CDH12: variants seen among roughly 807,000 people sequenced by gnomAD.
CDH12 encodes the protein cadherin 12.
CDH12 carries 41 observed loss-of-function variants against 74.1 expected under a neutral mutation model. The observed-to-expected ratio is 0.55, with a 90% CI of 0.43 to 0.72. CDH12 has a LOEUF of 0.72. CDH12 is among the 30% of genes least tolerant of loss of function. The pLI is 0.00. For synonymous variants in CDH12, 399 were observed against 355.0 expected (o/e 1.12, Z -1.39); for missense variants, 945 against 977.2 (o/e 0.97, Z 0.44).
intron 1 of CDH12, among the ~76,000 whole-genome samples, chr5:22,798,453 G>A (rs1056649004): frequency 1.3e-5 from 2 of 151,846 alleles, no homozygotes; most frequent in African/African-American, 4.8e-5. Context: ...CATGTAATAT[G>A]TTCATTATTG....
chr5:21,849,537 C>T (rs1449618803), intron 7 of CDH12, among the ~76,000 whole-genome samples: 5 of 151,662 alleles, frequency 3.3e-5, no homozygotes, highest in Admixed American at 6.6e-5. Context: ...TATTTATTAG[C>T]GTCTATTGAT....
chr5:22,435,405 C>T (rs1053382716), intron 2 of CDH12, among the ~76,000 whole-genome samples: 4 of 150,404 alleles, frequency 2.7e-5, no homozygotes, highest in Admixed American at 2.6e-4. Context: ...TATATATATA[C>T]ACACACATAT....
At chr5:22,288,198 T>G (rs753744016) in intron 3 of CDH12, among the ~76,000 whole-genome samples, 6 of 152,178 alleles carry the variant, frequency 3.9e-5, no homozygotes, top group Non-Finnish European at 5.9e-5. Flanking sequence ...TATGTCTCCT[T>G]ACATCTTCTA....
At chr5:22,041,267 T>A (rs943940250) in intron 5 of CDH12, among the ~76,000 whole-genome samples, 1 of 151,816 alleles carries the variant, frequency 6.6e-6, no homozygotes, top group Non-Finnish European at 1.5e-5. Context: ...GAAAAAAGGA[T>A]CTACAAAACA....
intron 1 of CDH12, among the ~76,000 whole-genome samples, chr5:22,659,726 C>T (rs1363250356): frequency 6.6e-6 from 1 of 152,036 alleles, no homozygotes; most frequent in Non-Finnish European, 1.5e-5. Context: ...GGTACACACA[C>T]ATCTGATCCC....
chr5:22,396,251 A>T (rs2920761), intron 3 of CDH12, among the ~76,000 whole-genome samples: 2 of 151,946 alleles, frequency 1.3e-5, no homozygotes, highest in African/African-American at 4.8e-5. Context: ...AAAATGAGGG[A>T]ACACCAGATG....
intron 1 of CDH12, among the ~76,000 whole-genome samples, chr5:22,742,054 G>A (rs1745053746): frequency 6.6e-6 from 1 of 152,024 alleles, no homozygotes; most frequent in Non-Finnish European, 1.5e-5. Context: ...GATGGCAGGT[G>A]CCTGTAGTCC....
chr5:22,634,701 A>G (rs1014308259), intron 1 of CDH12, among the ~76,000 whole-genome samples: 3 of 152,180 alleles, frequency 2.0e-5, no homozygotes, highest in Non-Finnish European at 2.9e-5. Context: ...AATCAATTGA[A>G]TACTAGCAAT....
intron 1 of CDH12, among the ~76,000 whole-genome samples, chr5:22,737,157 G>T (rs1414805921): frequency 2.0e-5 from 3 of 151,842 alleles, no homozygotes; most frequent in Non-Finnish European, 4.4e-5. Context: ...AGCTGCAGGT[G>T]CTAGATATCT....
At chr5:21,766,505 G>T (rs1745032117) in intron 11 of CDH12, among the ~76,000 whole-genome samples, 1 of 151,812 alleles carries the variant, frequency 6.6e-6, no homozygotes, top group Admixed American at 6.6e-5. Flanking sequence ...CAGTTTCCTT[G>T]TATGAAATAC....
intron 5 of CDH12, among the ~76,000 whole-genome samples, chr5:22,056,382 A>C (rs1740746546): frequency 1.3e-5 from 2 of 152,154 alleles, no homozygotes; most frequent in Admixed American, 1.3e-4. Flanking sequence ...AATTCTAGTA[A>C]TTTTTCCACT....
chr5:21,972,178 C>T (rs1192709640), intron 6 of CDH12, among the ~76,000 whole-genome samples: 4 of 151,902 alleles, frequency 2.6e-5, no homozygotes, highest in African/African-American at 4.8e-5. Flanking sequence ...ATCAATGTTC[C>T]GATATTTCTT....
intron 4 of CDH12, among the ~76,000 whole-genome samples, chr5:22,138,536 T>C (rs1213183311): frequency 6.6e-6 from 1 of 151,156 alleles, no homozygotes; most frequent in Non-Finnish European, 1.5e-5. Context: ...AAAATGAATG[T>C]CTTCCTTTTA....
intron 3 of CDH12, among the ~76,000 whole-genome samples, chr5:22,305,463 G>A (rs1339822026): frequency 2.0e-5 from 3 of 152,154 alleles, no homozygotes; most frequent in African/African-American, 7.2e-5. Flanking sequence ...ACAAGATTGG[G>A]CAGCAGGACT....
At chr5:22,433,678 T>C (rs1340311589) in intron 2 of CDH12, among the ~76,000 whole-genome samples, 1 of 152,176 alleles carries the variant, frequency 6.6e-6, no homozygotes, top group Admixed American at 6.6e-5. Context: ...GTAATCTTTA[T>C]TCTATAAGCA....
chr5:22,470,666 C>T (rs1373516149), intron 2 of CDH12, among the ~76,000 whole-genome samples: 5 of 152,028 alleles, frequency 3.3e-5, no homozygotes, highest in South Asian at 2.1e-4. Flanking sequence ...AGTGCTCTTA[C>T]GTAAGCCTCC....
In CDH12 at chr5:22,526,148, T is replaced by G. The variant is rs181608285; in HGVS notation, c.-522-20784A>C. Among the ~76,000 whole-genome samples, 45 of 152,266 alleles carry G rather than the reference T, an allele frequency of 3.0e-4. No individual in the cohort carries two copies. The East Asian group carries it at 3.1e-3, about 10-fold the overall frequency. ...TATGTTAGTCTACTGACATTCGGTG[T>G]TTTATATATTAACTAAATCTATAAA... On this transcript the variant is annotated intron_variant, in intron 1 of 14. Transcript: ENST00000382254.
At chr5:22,019,637 A>G (rs1737837697) in intron 5 of CDH12, among the ~76,000 whole-genome samples, 1 of 152,172 alleles carries the variant, frequency 6.6e-6, no homozygotes, top group African/African-American at 2.4e-5. Context: ...CCATGAACCA[A>G]ACACTGATGG....
intron 10 of CDH12, among the ~76,000 whole-genome samples, chr5:21,788,537 T>G (rs562244011): frequency 6.6e-6 from 1 of 152,286 alleles, no homozygotes; most frequent in Admixed American, 6.5e-5. Flanking sequence ...CCCTGGTGCA[T>G]GATTTGTATT....
Sources: gnomAD v4.1 joint callset for allele counts (sites outside exome capture counted in the v4.1 genomes callset) on GRCh38, gnomAD v4.1.1 for gene constraint, MANE v1.5 for transcripts, NCBI Gene and HGNC (gene_info 2026-07-23, HGNC 2026-07-21) for gene names.